Variants in SPRR2F observed in about 807,000 individuals in gnomAD.
SPRR2F encodes the protein small proline rich protein 2F, also known as small proline-rich protein 2F.
A neutral mutation model predicts 0.8 loss-of-function variants in SPRR2F; 2 were observed. The ratio of observed to expected loss-of-function variants is 2.52; its 90% CI spans 1.03 to 7.95. The LOEUF is 7.95. Ranked by LOEUF, SPRR2F falls within the 30% of genes most tolerant of loss-of-function variation. SPRR2F has a pLI of 0.04. For synonymous variants in SPRR2F, 39 were observed against 33.4 expected (o/e 1.17, Z -0.58); for missense variants, 80 against 85.8 (o/e 0.93, Z 0.27).
intron 1 of SPRR2F, 39 bp from the exon 2 acceptor site, chr1:153,112,791 T>A: frequency 6.2e-7 from 1 of 1,607,328 alleles, no homozygotes; most frequent in Non-Finnish European, 8.5e-7. Context: ...GGGAAGGGAA[T>A]CCTCCAGAGA....
chr1:153,115,262 C>G (rs1348442075), upstream of SPRR2F, among the ~76,000 whole-genome samples: 1 of 152,142 alleles, frequency 6.6e-6, no homozygotes, highest in Non-Finnish European at 1.5e-5. Context: ...CATCAGGGGA[C>G]AAAGTAAAGG....
chr1:153,118,243 T>A (rs1418515140), upstream of SPRR2F, among the ~76,000 whole-genome samples: 1 of 151,970 alleles, frequency 6.6e-6, no homozygotes, highest in East Asian at 1.9e-4. Context: ...GAATGACCTA[T>A]CAAGACTCAC....
At chr1:153,114,289 AG>A (rs1046637247), upstream of SPRR2F, among the ~76,000 whole-genome samples, 20 of 152,146 alleles carry the variant, frequency 1.3e-4, no homozygotes, top group Non-Finnish European at 2.9e-4. Flanking sequence ...AGTGACAGCC[AG>A]TCTCCCCAGC....
chr1:153,116,683 A>G (rs1472040797), upstream of SPRR2F, among the ~76,000 whole-genome samples: 1 of 152,186 alleles, frequency 6.6e-6, no homozygotes, highest in African/African-American at 2.4e-5. Flanking sequence ...TACCAGTGAC[A>G]TAAACACAGA....
the SPRR2F span, among the ~76,000 whole-genome samples, chr1:153,119,422 T>C: frequency 6.6e-6 from 1 of 152,142 alleles, no homozygotes; most frequent in African/African-American, 2.4e-5. Flanking sequence ...AGGAGGAGGA[T>C]TTATTGAATG....
At chr1:153,116,073 T>G (rs1163942959), upstream of SPRR2F, among the ~76,000 whole-genome samples, 1 of 152,214 alleles carries the variant, frequency 6.6e-6, no homozygotes, top group Non-Finnish European at 1.5e-5. Flanking sequence ...TGTGGGAAGA[T>G]TTTCCTAGCC....
chr1:153,118,155 G>A (rs926429961), upstream of SPRR2F, among the ~76,000 whole-genome samples: 1 of 152,054 alleles, frequency 6.6e-6, no homozygotes, highest in African/African-American at 2.4e-5. Flanking sequence ...CCACCAAGGT[G>A]TCCTTCAGTA....
chr1:153,114,809 T>C (rs1216012569), upstream of SPRR2F, among the ~76,000 whole-genome samples: 4 of 152,200 alleles, frequency 2.6e-5, no homozygotes, highest in African/African-American at 7.2e-5. Flanking sequence ...ATATAGTGAC[T>C]CCTCTTTCAT....
At chr1:153,117,765 TCTC>T (rs1329968226), upstream of SPRR2F, among the ~76,000 whole-genome samples, 1 of 152,064 alleles carries the variant, frequency 6.6e-6, no homozygotes, top group Admixed American at 6.5e-5. Flanking sequence ...ATCTGACACT[TCTC>T]CTCTTAAGAA....
upstream of SPRR2F, among the ~76,000 whole-genome samples, chr1:153,116,874 G>A (rs1387308780): frequency 2.0e-5 from 3 of 152,022 alleles, no homozygotes; most frequent in Non-Finnish European, 4.4e-5. Context: ...TATTAAGACA[G>A]GTGGTAAGGA....
chr1:153,115,680 T>TAC (rs542424708), upstream of SPRR2F, among the ~76,000 whole-genome samples: 375 of 152,064 alleles, frequency 2.5e-3, 2 homozygotes, highest in African/African-American at 7.9e-3. Flanking sequence ...AGGCATACTT[T>TAC]ACACACACAC....
In SPRR2F at chr1:153,112,594, G is replaced by GT; in HGVS notation, c.139_140insA (p.Pro47HisfsTer39). 1 of 1,612,968 alleles carries GT rather than the reference G, an allele frequency of 6.2e-7. No homozygotes were observed. Among genetic ancestry groups the GT allele is most frequent in the South Asian group, 1.1e-5 (1 of 91,016 alleles). On this transcript the variant is annotated frameshift_variant, in exon 2 of 2. Coordinates refer to ENST00000468739, the MANE Select transcript of SPRR2F (RefSeq NM_001014450.3). LOFTEE classifies it low-confidence loss of function (END_TRUNC). ...AGGACATTTCTGCTGGCACTGCTGA[G>GT]GTGGGCAGGACTGTGGACACTTTGA...
At position 153,112,871 on chromosome 1, in the gene SPRR2F, T is replaced by G. The variant is rs1016079716; in HGVS notation, c.-19-119A>C. 2.7e-6 allele frequency: 4 copies of G among 1,460,094 alleles called. No homozygotes were observed. In the African/African-American group the frequency reaches 5.6e-5, roughly 21 times the overall value. The allele number at this position is 1,460,094 out of a possible 1,614,324, so 90.4% of individuals were successfully genotyped here. ...ATCTCCAAGAAATTATTTAAACTCT[T>G]AATTCCCTTTTCAAGAGTCCCTGGC... On this transcript the variant is annotated intron_variant, in intron 1 of 1. Coordinates refer to ENST00000468739, the MANE Select transcript of SPRR2F (RefSeq NM_001014450.3).
rs372699604 is a variant in SPRR2F, at chr1:153,112,751, A to T, written c.-18T>A. ...TAAGACATCCTGCTGGAGTCTCAGAATCTGAAAGAAATTATATGACAGTGT... is the reference window on the plus strand; with the variant it reads ...TAAGACATCCTGCTGGAGTCTCAGATTCTGAAAGAAATTATATGACAGTGT... On this transcript the variant is annotated splice_region_variant and 5_prime_UTR_variant, in exon 2 of 2. Coordinates refer to ENST00000468739, the MANE Select transcript of SPRR2F (RefSeq NM_001014450.3). The T allele has an allele frequency of 6.2e-7, 1 of 1,611,172 alleles. No individual in the cohort carries two copies. Among genetic ancestry groups the T allele is most frequent in the East Asian group, 2.2e-5 (1 of 44,880 alleles).
chr1:153,119,334 C>T, the SPRR2F span, among the ~76,000 whole-genome samples: 449 of 152,280 alleles, frequency 2.9e-3, 3 homozygotes, highest in African/African-American at 0.01. Flanking sequence ...CAACTCTATG[C>T]TATTTAAGAG....
chr1:153,114,878 T>A (rs899007299), upstream of SPRR2F, among the ~76,000 whole-genome samples: 1 of 152,208 alleles, frequency 6.6e-6, no homozygotes, highest in Non-Finnish European at 1.5e-5. Flanking sequence ...ATATTAAATA[T>A]TTAAGTTGAT....
In SPRR2F at chr1:153,112,241, C is replaced by A; in HGVS notation, c.*274G>T. The A allele has an allele frequency of 1.9e-6, 1 of 524,900 alleles. No homozygotes were observed. Among genetic ancestry groups the A allele is most frequent in the Non-Finnish European group, 3.2e-6 (1 of 312,176 alleles). The allele number at this position is 524,900 out of a possible 1,614,324, so 32.5% of individuals were successfully genotyped here. ...CATCAACAGAATTCTCTAATGGTTCCCAGGGAGAGAGCTGCTCTTTCTTCT... is the reference window on the plus strand; with the variant it reads ...CATCAACAGAATTCTCTAATGGTTCACAGGGAGAGAGCTGCTCTTTCTTCT... On this transcript the variant is annotated 3_prime_UTR_variant, in exon 2 of 2. Transcript: ENST00000468739.
At chr1:153,115,000 T>C (rs1305984277), upstream of SPRR2F, among the ~76,000 whole-genome samples, 1 of 152,154 alleles carries the variant, frequency 6.6e-6, no homozygotes, top group South Asian at 2.1e-4. Context: ...CTCAAAATCA[T>C]TGGAGCAGTC....
At chr1:153,117,290 A>C (rs1655737853), upstream of SPRR2F, among the ~76,000 whole-genome samples, 1 of 152,040 alleles carries the variant, frequency 6.6e-6, no homozygotes, top group Admixed American at 6.6e-5. Context: ...GAAACAAGAT[A>C]ATTTAATTGT....
Sources: gnomAD v4.1 joint callset for allele counts (sites outside exome capture counted in the v4.1 genomes callset) on GRCh38, gnomAD v4.1.1 for gene constraint, MANE v1.5 for transcripts, NCBI Gene and HGNC (gene_info 2026-07-23, HGNC 2026-07-21) for gene names.